The following FUT9 variants were observed in gnomAD, a reference collection of about 807,000 sequenced individuals.
The protein encoded by FUT9 is fucosyltransferase 9, also known as 4-galactosyl-N-acetylglucosaminide 3-alpha-L-fucosyltransferase 9.
Under a neutral mutation model 29.7 loss-of-function variants are expected in FUT9, and 15 were observed. The observed-to-expected ratio is 0.51, with a 90% confidence interval of 0.34 to 0.78. The LOEUF (loss-of-function observed/expected upper bound fraction) is 0.78, where lower values mean the gene tolerates loss of function less well. Ranked by LOEUF, FUT9 falls within the 30% of genes least tolerant of loss-of-function variation. The pLI, the probability that FUT9 is intolerant of heterozygous loss-of-function variation, is 0.01. For synonymous variants in FUT9, 169 were observed against 153.7 expected, an observed-to-expected ratio of 1.10 and a Z score of -0.74; for missense variants, 319 against 425.4, an observed-to-expected ratio of 0.75 and a Z score of 2.20.
chr6:96,174,417 G>A (rs986877429), intron 2 of FUT9, among the ~76,000 whole-genome samples: 1 of 151,964 alleles, frequency 6.6e-6, no homozygotes, highest in Admixed American at 6.6e-5. Flanking sequence ...TTAAATGATG[G>A]CAAATTATAA....
chr6:96,097,387 A>G (rs1771518392), intron 1 of FUT9, among the ~76,000 whole-genome samples: 1 of 152,174 alleles, frequency 6.6e-6, no homozygotes, highest in Admixed American at 6.5e-5. Context: ...AATTGGCCTT[A>G]CTGAGAATAT....
chr6:96,090,289 A>C (rs984490724), intron 1 of FUT9, among the ~76,000 whole-genome samples: 7 of 150,798 alleles, frequency 4.6e-5, no homozygotes, highest in African/African-American at 1.7e-4. Flanking sequence ...TAAATTTGTA[A>C]AGTCAATTGT....
intron 1 of FUT9, among the ~76,000 whole-genome samples, chr6:96,046,409 C>T (rs1014010264): frequency 4.6e-5 from 7 of 152,094 alleles, no homozygotes; most frequent in African/African-American, 1.7e-4. Flanking sequence ...AAATATTAAC[C>T]TACAACTCCA....
rs1265891930 is a variant in FUT9, at chr6:96,175,300, T to C, written c.-8-27848T>C. Among the ~76,000 whole-genome samples, 5 of 152,178 alleles carry C rather than the reference T, an allele frequency of 3.3e-5. No individual in the cohort carries two copies. In the South Asian group the frequency reaches 8.3e-4, roughly 25 times the overall value. ...CCTGCTTCTCCTTCCCAGTAGAACA[T>C]TTAGCTCTGTCTTTACTGAGTAAAG... is the stretch of plus-strand genomic sequence containing the variant. On this transcript the variant is annotated intron_variant, in intron 2 of 2. Transcript: ENST00000302103.
At chr6:96,052,381 C>T (rs555450868) in intron 1 of FUT9, among the ~76,000 whole-genome samples, 10 of 152,302 alleles carry the variant, frequency 6.6e-5, no homozygotes, top group African/African-American at 2.2e-4. Flanking sequence ...AATATTGTCA[C>T]TCTTTCTTTC....
intron 1 of FUT9, among the ~76,000 whole-genome samples, chr6:96,026,205 A>G (rs542671444): frequency 1.3e-5 from 2 of 151,736 alleles, no homozygotes; most frequent in African/African-American, 4.8e-5. Flanking sequence ...GTGACAAAAG[A>G]CTTCAATAAG....
chr6:96,169,735 C>CT (rs1773078256), intron 2 of FUT9, among the ~76,000 whole-genome samples: 1 of 152,062 alleles, frequency 6.6e-6, no homozygotes, highest in Non-Finnish European at 1.5e-5. Context: ...TTTAAATGCT[C>CT]TGTGTTTACC....
At chr6:96,018,288 T>G (rs1205613308) in intron 1 of FUT9, among the ~76,000 whole-genome samples, 1 of 152,188 alleles carries the variant, frequency 6.6e-6, no homozygotes, top group Non-Finnish European at 1.5e-5. Flanking sequence ...GGAGTAATAC[T>G]TTGATCAGTT....
At chr6:96,104,970 G>A (rs964814464) in intron 1 of FUT9, among the ~76,000 whole-genome samples, 4 of 152,148 alleles carry the variant, frequency 2.6e-5, no homozygotes, top group Non-Finnish European at 5.9e-5. Context: ...AAGATAAAGA[G>A]TCATCTCGAG....
At chr6:96,064,902 G>C (rs1204202423) in intron 1 of FUT9, among the ~76,000 whole-genome samples, 1 of 152,166 alleles carries the variant, frequency 6.6e-6, no homozygotes, top group African/African-American at 2.4e-5. Context: ...ATTATTTTAT[G>C]TGTATGAAGA....
intron 2 of FUT9, among the ~76,000 whole-genome samples, chr6:96,155,209 T>C (rs1772756849): frequency 6.6e-6 from 1 of 152,162 alleles, no homozygotes. Context: ...TCCAGAAAGT[T>C]ACTAATTGGG....
chr6:96,148,682 AG>A (rs1233827219), intron 2 of FUT9, among the ~76,000 whole-genome samples: 1 of 152,184 alleles, frequency 6.6e-6, no homozygotes, highest in Non-Finnish European at 1.5e-5. Flanking sequence ...ATTTTGTAAT[AG>A]GGTTGAAAAG....
chr6:96,107,647 C>T (rs776790074), intron 1 of FUT9, among the ~76,000 whole-genome samples: 1 of 152,108 alleles, frequency 6.6e-6, no homozygotes, highest in Admixed American at 6.6e-5. Context: ...ATAACCATTA[C>T]TAATCTGTAT....
chr6:96,135,954 T>C (rs889356011), intron 2 of FUT9, among the ~76,000 whole-genome samples: 1 of 151,010 alleles, frequency 6.6e-6, no homozygotes, highest in Non-Finnish European at 1.5e-5. Context: ...CTTAGTGATA[T>C]ATTCGATATC....
At chr6:96,088,450 C>T (rs1206696445) in intron 1 of FUT9, among the ~76,000 whole-genome samples, 1 of 151,734 alleles carries the variant, frequency 6.6e-6, no homozygotes, top group Admixed American at 6.6e-5. Context: ...TCTTCTTTCT[C>T]CCAATTTTTA....
At chr6:96,174,650 T>C (rs772525408) in intron 2 of FUT9, among the ~76,000 whole-genome samples, 4 of 152,090 alleles carry the variant, frequency 2.6e-5, no homozygotes, top group Non-Finnish European at 5.9e-5. Flanking sequence ...CATTATGGTC[T>C]TGTTTTCCCC....
chr6:96,184,731 G>T (rs1174748125), intron 2 of FUT9, among the ~76,000 whole-genome samples: 1 of 151,990 alleles, frequency 6.6e-6, no homozygotes, highest in African/African-American at 2.4e-5. Flanking sequence ...TCAAGAGCAG[G>T]TTATTTAATT....
intron 1 of FUT9, among the ~76,000 whole-genome samples, chr6:96,076,260 C>A (rs1417360545): frequency 6.6e-6 from 1 of 152,088 alleles, no homozygotes; most frequent in East Asian, 1.9e-4. Flanking sequence ...CTATTTTGGG[C>A]TGGGATATAA....
chr6:96,035,756 A>T (rs1194215525), intron 1 of FUT9, among the ~76,000 whole-genome samples: 1 of 133,214 alleles, frequency 7.5e-6, no homozygotes, highest in African/African-American at 2.8e-5. Flanking sequence ...AATATAATAT[A>T]ATATTATAAT....
Sources: gnomAD v4.1 joint callset for allele counts (sites outside exome capture counted in the v4.1 genomes callset) on GRCh38, gnomAD v4.1.1 for gene constraint, MANE v1.5 for transcripts, NCBI Gene and HGNC (gene_info 2026-07-23, HGNC 2026-07-21) for gene names.